RAB11B: variants seen among roughly 807,000 people sequenced by gnomAD.
RAB11B encodes ras-related protein Rab-11B.
RAB11B carries 7 observed loss-of-function variants against 23.7 expected under a neutral mutation model. That is an observed-to-expected ratio of 0.29 (90% CI 0.17 to 0.55). The LOEUF (loss-of-function observed/expected upper bound fraction) is 0.55. Ranked by LOEUF, RAB11B falls within the 20% of genes least tolerant of loss-of-function variation. RAB11B has a pLI of 0.93. For synonymous variants in RAB11B, 138 were observed against 132.0 expected (o/e 1.05, Z -0.31); for missense variants, 189 against 320.0 (o/e 0.59, Z 3.12).
chr19:8,392,736 CCTGG>C (rs1971367479), intron 1 of RAB11B, among the ~76,000 whole-genome samples: 1 of 139,574 alleles, frequency 7.2e-6, no homozygotes, highest in South Asian at 2.3e-4. Context: ...AGTCACCCAG[CCTGG>C]AGTGCAGTGG....
chr19:8,391,521 G>A (rs575880271), intron 1 of RAB11B, among the ~76,000 whole-genome samples: 1 of 152,274 alleles, frequency 6.6e-6, no homozygotes, highest in African/African-American at 2.4e-5. Flanking sequence ...GAGGAAGCCG[G>A]AGTCCCTTGT....
intron 3 of RAB11B, 84 bp downstream of exon 3, chr19:8,402,363 T>G (rs1248235860): frequency 2.6e-6 from 4 of 1,529,734 alleles, no homozygotes; most frequent in Middle Eastern, 1.9e-4. Context: ...GCCACAGCCC[T>G]GGCTTCCCTT....
chr19:8,402,078 C>G lies in RAB11B; in HGVS notation c.237-8C>G. On this transcript the variant is annotated splice_polypyrimidine_tract_variant and splice_region_variant and intron_variant, in intron 2 of 4. Coordinates refer to ENST00000328024, the MANE Select transcript of RAB11B (RefSeq NM_004218.4). ...TCCAGAGAGGCTCATGGGCCCCTGA[C>G]CCTGCAGGTACTACCGTGGTGCAGT... is the stretch of plus-strand genomic sequence containing the variant. 1 of 1,578,824 alleles carries G rather than the reference C, an allele frequency of 6.3e-7. No homozygotes were observed. The highest frequency in any genetic ancestry group is 8.6e-7 in the Non-Finnish European group (1 of 1,161,508).
chr19:8,393,171 C>T (rs932915282), intron 1 of RAB11B, among the ~76,000 whole-genome samples: 5 of 152,168 alleles, frequency 3.3e-5, no homozygotes, highest in South Asian at 4.1e-4. Flanking sequence ...TCACATTTAT[C>T]CTCCTAACAT....
rs567213109 is a variant in RAB11B at position 8,401,366 on chromosome 19, G to A, written c.237-720G>A. Among the ~76,000 whole-genome samples, 409 of 142,836 alleles carry A rather than the reference G, an allele frequency of 2.9e-3. 6 individuals carry two copies. Among genetic ancestry groups the A allele is most frequent in the South Asian group, 0.012 (53 of 4,392 alleles). 93.7% of individuals were successfully genotyped at this position (142,836 alleles called of 152,430 possible). ...AAGTGCTGGGATTACAGGCGTGAGC[G>A]ACCCTGCCTGGCCTATTTATTTATT... is the stretch of plus-strand genomic sequence containing the variant. On this transcript the variant is annotated intron_variant, in intron 2 of 4. Coordinates refer to ENST00000328024, the MANE Select transcript of RAB11B (RefSeq NM_004218.4).
chr19:8,391,358 T>C (rs1173938706), intron 1 of RAB11B, among the ~76,000 whole-genome samples: 1 of 152,206 alleles, frequency 6.6e-6, no homozygotes, highest in Non-Finnish European at 1.5e-5. Flanking sequence ...TTTGGGTTGT[T>C]GGACCAACTT....
intron 1 of RAB11B, among the ~76,000 whole-genome samples, chr19:8,397,146 G>A (rs961779124): frequency 6.6e-6 from 1 of 152,202 alleles, no homozygotes; most frequent in Non-Finnish European, 1.5e-5. Flanking sequence ...TGAGCGGTGG[G>A]TGAGCAGGCT....
In RAB11B at chr19:8,399,974, G is replaced by T; in HGVS notation, c.152G>T (p.Arg51Leu). ...KSTIGVEFAT[R>L]SIQVDGKTIK... ...ACCATCGGCGTGGAGTTCGCCACCCGCAGCATCCAGGTGGACGGCAAGACC... is the reference window on the plus strand; with the variant it reads ...ACCATCGGCGTGGAGTTCGCCACCCTCAGCATCCAGGTGGACGGCAAGACC... Residue 51 changes from arginine (R) to leucine (L), a missense_variant, in exon 2 of 5, where the codon CGC becomes CTC. By Grantham distance (102) the Arg-to-Leu change is moderately radical. Transcript: ENST00000328024. The T allele has an allele frequency of 6.2e-7, 1 of 1,614,210 alleles. No homozygotes were observed. The highest frequency in any genetic ancestry group is 8.5e-7 in the Non-Finnish European group (1 of 1,180,018).
chr19:8,399,789 G>A, intron 1 of RAB11B, 74 bp from the exon 2 acceptor site: 1 of 1,539,662 alleles, frequency 6.5e-7, no homozygotes, highest in Middle Eastern at 1.8e-4. Context: ...AGCACCCAGG[G>A]AACCGGCGGG....
Position 8,402,492 on chromosome 19 carries a change from C to A in RAB11B, c.438C>A (p.Asn146Lys), listed in dbSNP as rs1171216764. Residue 146 changes from asparagine to lysine, a missense_variant, in exon 4 of 5, where the codon AAC becomes AAA. Asn to Lys is a moderately conservative substitution (Grantham distance 94). Around this residue, in one of 5 missense-constraint regions of RAB11B, gnomAD observed 122 missense variants for 170.8 expected, o/e 0.71. Transcript: ENST00000328024. The part of the protein sequence containing the change: ...TDEARAFAEK[N>K]NLSFIETSAL... The stretch of plus-strand genomic sequence containing the variant: ...CAGTATTCTTTGTTCCAGAAAAGAA[C>A]AACTTGTCCTTCATCGAGACCTCAG... 1.2e-6 allele frequency: 2 copies of A among 1,613,608 alleles called. No individual in the cohort carries two copies. The highest frequency in any genetic ancestry group is 2.2e-5 in the East Asian group (1 of 44,878).
intron 4 of RAB11B, 27 bp downstream of exon 4, chr19:8,402,592 T>TA (rs1568229441): frequency 3.8e-6 from 6 of 1,558,594 alleles, no homozygotes; most frequent in Non-Finnish European, 5.3e-6. Context: ...TGGGTGTGGG[T>TA]AGGGCACCAG....
rs1040133844 is a variant in RAB11B at position 8,396,466 on chromosome 19, G to T, written c.41-3397G>T. Among the ~76,000 whole-genome samples the T allele has an allele frequency of 6.6e-6, 1 of 152,218 alleles. No homozygotes were observed. Among genetic ancestry groups the T allele is most frequent in the Non-Finnish European group, 1.5e-5 (1 of 68,040 alleles). On this transcript the variant is annotated intron_variant, in intron 1 of 4. Transcript: ENST00000328024. The surrounding 1 kb of genome is among the most constrained non-coding windows in gnomAD (Gnocchi z 5.0). ...GAGAGTGGCAAGAGTGACGGAGGAA[G>T]AACTGGGTCCGGGAGCAGGGTAATT...
chr19:8,403,116 T>C (rs1246385063), intron 4 of RAB11B, among the ~76,000 whole-genome samples: 7 of 152,214 alleles, frequency 4.6e-5, no homozygotes, highest in Non-Finnish European at 1.0e-4. Context: ...GGCCCTGCCT[T>C]AACTCTTGGC....
intron 1 of RAB11B, among the ~76,000 whole-genome samples, chr19:8,399,013 C>A (rs866634318): frequency 6.6e-6 from 1 of 150,866 alleles, no homozygotes; most frequent in Non-Finnish European, 1.5e-5. Context: ...AGTACGGTGG[C>A]GTGATCTCGG....
At position 8,396,130 on chromosome 19, in the gene RAB11B, A is replaced by G. The variant is rs150006369; in HGVS notation, c.41-3733A>G. Among the ~76,000 whole-genome samples, 67 of 152,332 alleles carry G rather than the reference A, an allele frequency of 4.4e-4. 3 individuals are homozygous for G. In the East Asian group the frequency reaches 0.013, roughly 29 times the overall value. On this transcript the variant is annotated intron_variant, in intron 1 of 4. Coordinates refer to ENST00000328024, the MANE Select transcript of RAB11B (RefSeq NM_004218.4). The surrounding 1 kb of genome is among the most constrained non-coding windows in gnomAD (Gnocchi z 5.0). ...GCACATCAAGAGCTTTGTTAGCACA[A>G]GCTCATCGAATATTCTCCTTGTTCT...
chr19:8,401,294 A>G (rs1339467904), intron 2 of RAB11B, among the ~76,000 whole-genome samples: 2 of 147,298 alleles, frequency 1.4e-5, no homozygotes, highest in Non-Finnish European at 3.0e-5. Flanking sequence ...ATTAGCCAGG[A>G]TGGTCTCGAT....
chr19:8,400,260 G>A, intron 2 of RAB11B: 1 of 646,894 alleles, frequency 1.5e-6, no homozygotes, highest in Non-Finnish European at 2.6e-6. Flanking sequence ...CCACACCAGG[G>A]TATCTCTGGG....
At chr19:8,395,496 G>C (rs1250148340) in intron 1 of RAB11B, among the ~76,000 whole-genome samples, 1 of 151,702 alleles carries the variant, frequency 6.6e-6, no homozygotes. Flanking sequence ...TGATCCGCCT[G>C]CCTCGGCCTC....
At chr19:8,395,304 C>G (rs367587033) in intron 1 of RAB11B, among the ~76,000 whole-genome samples, 4 of 143,540 alleles carry the variant, frequency 2.8e-5, no homozygotes, top group Admixed American at 1.4e-4. Context: ...GATGGAGTCT[C>G]GCTGTGTCGC....
Sources: allele counts gnomAD v4.1 joint callset (sites outside exome capture counted in the v4.1 genomes callset), GRCh38; gene constraint gnomAD v4.1.1; regional missense constraint gnomAD v4.1.1; non-coding constraint Gnocchi (gnomAD v3.1); transcripts MANE v1.5; gene names NCBI Gene and HGNC (gene_info 2026-07-23, HGNC 2026-07-21).